The following GIGYF2 variants were observed in gnomAD, a reference collection of about 807,000 sequenced individuals.
GIGYF2 encodes the protein GRB10-interacting GYF protein 2.
Under a neutral mutation model 208.1 loss-of-function variants are expected in GIGYF2, and 25 were observed. The observed-to-expected ratio is 0.12, with a 90% CI of 0.09 to 0.17. The LOEUF (loss-of-function observed/expected upper bound fraction) is 0.17, where lower values mean the gene tolerates loss of function less well. Ranked by LOEUF, GIGYF2 falls within the 10% of genes least tolerant of loss-of-function variation. The probability of loss-of-function intolerance (pLI) is 1.00; values close to 1 mark genes in which losing one functional copy is unlikely to be tolerated. For missense variants in GIGYF2, 1,302 were observed against 1,579.4 expected (o/e 0.82, Z 2.98); for synonymous variants, 534 against 543.8 (o/e 0.98, Z 0.25).
chr2:232,724,271 T>C (rs1018595498), intron 2 of GIGYF2, among the ~76,000 whole-genome samples: 1 of 148,852 alleles, frequency 6.7e-6, no homozygotes, highest in African/African-American at 2.5e-5. Flanking sequence ...TTGGCCAGGC[T>C]GGTCTTGAAC....
At chr2:232,851,778 C>T (rs1690343530) in intron 28 of GIGYF2, among the ~76,000 whole-genome samples, 1 of 152,134 alleles carries the variant, frequency 6.6e-6, no homozygotes, top group Non-Finnish European at 1.5e-5. Flanking sequence ...ATGTTGTCTG[C>T]AATAGAATAC....
intron 6 of GIGYF2, among the ~76,000 whole-genome samples, chr2:232,758,191 G>T (rs1161476623): frequency 2.0e-5 from 3 of 152,070 alleles, no homozygotes; most frequent in Non-Finnish European, 2.9e-5. Flanking sequence ...GATTATTGTG[G>T]CTTTTCTTTG....
chr2:232,844,913 AT>A (rs1178685002), intron 25 of GIGYF2, among the ~76,000 whole-genome samples: 26 of 152,284 alleles, frequency 1.7e-4, no homozygotes, highest in Admixed American at 6.5e-5. Context: ...CTATATTTGT[AT>A]TTTTAAGTAA....
rs143342234 is a variant in GIGYF2 at position 232,739,798 on chromosome 2, A to T, written c.41+4560A>T. On this transcript the variant is annotated intron_variant, in intron 3 of 28. Coordinates refer to ENST00000373563, the MANE Select transcript of GIGYF2 (RefSeq NM_001103146.3). ...GTATATGCAAATGTATCTTCAAGAT[A>T]TTTAAAAAACAAATATTTAGGCCGG... 2.4e-3 allele frequency among the ~76,000 whole-genome samples: 371 copies of T among 152,178 alleles called. 2 individuals carry two copies. The highest frequency in any genetic ancestry group is 8.6e-3 in the African/African-American group (359 of 41,522).
In GIGYF2 at chr2:232,833,063, G is replaced by A; in HGVS notation, c.2736G>A (p.Gln912=). ...QQEALRRLQQ[Q]QQQQQLAQMK... ...AGGCTCTCCGGAGGTTGCAGCAGCAGCAGCAGCAACAACAGCTGGCGCAGA... is the reference window on the plus strand; with the variant it reads ...AGGCTCTCCGGAGGTTGCAGCAGCAACAGCAGCAACAACAGCTGGCGCAGA... The change falls in exon 22 of 29, where the codon CAG becomes CAA. Residue 912 remains glutamine, a synonymous_variant. Coordinates refer to ENST00000373563, the MANE Select transcript of GIGYF2 (RefSeq NM_001103146.3). 6.4e-7 allele frequency: 1 copy of A among 1,553,366 alleles called. No individual in the cohort carries two copies. The highest frequency in any genetic ancestry group is 8.7e-7 in the Non-Finnish European group (1 of 1,147,978).
At chr2:232,704,213 T>C (rs1251795546) in intron 2 of GIGYF2, among the ~76,000 whole-genome samples, 1 of 152,186 alleles carries the variant, frequency 6.6e-6, no homozygotes, top group African/African-American at 2.4e-5. Context: ...GTGACTATTC[T>C]AGGTGGACTC....
At chr2:232,836,282 A>T (rs372354986) in intron 22 of GIGYF2, among the ~76,000 whole-genome samples, 60 of 6,808 alleles carry the variant, frequency 8.8e-3, no homozygotes, top group Admixed American at 0.015. Context: ...ATATATATAT[A>T]TATATATATA....
In GIGYF2 at chr2:232,806,572, A is replaced by G; in HGVS notation, c.1721A>G (p.Asp574Gly). The change falls in exon 15 of 29, where the codon GAT becomes GGT. Residue 574 changes from aspartate to glycine, a missense_variant. Around this residue, in one of 8 missense-constraint regions of GIGYF2, gnomAD observed 69 missense variants for 132.8 expected, o/e 0.52. Coordinates refer to ENST00000373563, the MANE Select transcript of GIGYF2 (RefSeq NM_001103146.3). This position sits in a 1 kb window ranked among gnomAD's most constrained non-coding sequence, Gnocchi z 4.0. ...TCTTTATTGGTGAAGAGAGCGTGTG[A>G]TGAAAGCTTCCAACCTCTTGGCGAT... ...TMSLLVKRAC[D>G]ESFQPLGDIM... is the part of the protein sequence containing the mutation. 6.2e-7 allele frequency: 1 copy of G among 1,611,834 alleles called. No individual in the cohort carries two copies. Among genetic ancestry groups the G allele is most frequent in the Non-Finnish European group, 8.5e-7 (1 of 1,177,968 alleles).
At chr2:232,831,346 G>A (rs1300224788) in intron 21 of GIGYF2, among the ~76,000 whole-genome samples, 1 of 152,130 alleles carries the variant, frequency 6.6e-6, no homozygotes, top group Non-Finnish European at 1.5e-5. Context: ...GTTAGACATA[G>A]ATAGCTTCCA....
chr2:232,845,726 C>A lies in GIGYF2; in HGVS notation c.3306-6C>A. ...AATATAATATCACCCTATTGTTTTG[C>A]TTTAGTAAATCTGTAGGTGTGTCTA... On this transcript the variant is annotated splice_region_variant and splice_polypyrimidine_tract_variant and intron_variant, in intron 25 of 28. Transcript: ENST00000373563. 6.3e-7 allele frequency: 1 copy of A among 1,590,340 alleles called. No homozygotes were observed. The highest frequency in any genetic ancestry group is 8.6e-7 in the Non-Finnish European group (1 of 1,158,462).
In GIGYF2 at chr2:232,768,272, T is replaced by G. The variant is rs1699058872; in HGVS notation, c.532+6836T>G. ...TGTGGATATCCAGGTCAGTCCTGTT[T>G]GGGCTTTTAGAAACCAGAGGAGTTG... is the stretch of plus-strand genomic sequence containing the variant. On this transcript the variant is annotated intron_variant, in intron 8 of 28. Coordinates refer to ENST00000373563, the MANE Select transcript of GIGYF2 (RefSeq NM_001103146.3). 6.2e-7 allele frequency: 1 copy of G among 1,614,056 alleles called. No homozygotes were observed. Among genetic ancestry groups the G allele is most frequent in the Non-Finnish European group, 8.5e-7 (1 of 1,179,988 alleles).
At chr2:232,708,694 T>G (rs1034443303) in intron 2 of GIGYF2, among the ~76,000 whole-genome samples, 23 of 124,576 alleles carry the variant, frequency 1.8e-4, no homozygotes, top group African/African-American at 7.2e-4. Flanking sequence ...AAAAAAAAAG[T>G]AGCTGGGCAT....
At chr2:232,706,156 C>G (rs564328465) in intron 2 of GIGYF2, among the ~76,000 whole-genome samples, 14 of 152,274 alleles carry the variant, frequency 9.2e-5, no homozygotes, top group Non-Finnish European at 1.8e-4. Flanking sequence ...AGTGATATGT[C>G]TAATGACAGC....
At chr2:232,764,983 A>C (rs530470429) in intron 8 of GIGYF2, among the ~76,000 whole-genome samples, 1 of 152,352 alleles carries the variant, frequency 6.6e-6, no homozygotes, top group African/African-American at 2.4e-5. Context: ...AAACTAAACT[A>C]ACATGAAGTA....
intron 7 of GIGYF2, among the ~76,000 whole-genome samples, chr2:232,761,073 G>A (rs1574846476): frequency 6.6e-6 from 1 of 152,090 alleles, no homozygotes; most frequent in Admixed American, 6.6e-5. Context: ...ATTAATATGA[G>A]CATTAGAGGT....
intron 15 of GIGYF2, among the ~76,000 whole-genome samples, chr2:232,807,285 T>C (rs1446758070): frequency 6.6e-6 from 1 of 152,132 alleles, no homozygotes; most frequent in Non-Finnish European, 1.5e-5. Context: ...TGGGAGGGAT[T>C]TGGGAGGCCA....
rs1291579717 is a variant in GIGYF2, at chr2:232,845,855, T to C, written c.3429T>C (p.Leu1143=). ...DGFTQWCEQM[L]HALNTANNLD... ...TTACGCAGTGGTGTGAACAGATGCT[T>C]CATGCCCTTAATACGGCAAATAACT... The change falls in exon 26 of 29, where the codon CTT becomes CTC. Residue 1143 remains leucine (L), a synonymous_variant. Transcript: ENST00000373563. The C allele has an allele frequency of 6.2e-7, 1 of 1,612,210 alleles. No homozygotes were observed. Among genetic ancestry groups the C allele is most frequent in the East Asian group, 2.2e-5 (1 of 44,886 alleles).
chr2:232,759,676 G>GT (rs916790719), intron 6 of GIGYF2, among the ~76,000 whole-genome samples: 87 of 146,350 alleles, frequency 5.9e-4, no homozygotes, highest in East Asian at 4.0e-3. Flanking sequence ...TAGATTTCTA[G>GT]TTTTTTTTTT....
chr2:232,710,170 A>C lies in GIGYF2; in HGVS notation c.-44+6681A>C, dbSNP rs182161835. ...GAGATGGGGTTTTACCATGTTAGCC[A>C]GGATGGTCTCGATCTCCTGACCTTG... is the stretch of plus-strand genomic sequence containing the variant. On this transcript the variant is annotated intron_variant, in intron 2 of 28. Transcript: ENST00000373563. Among the ~76,000 whole-genome samples, 781 of 152,094 alleles carry C rather than the reference A, an allele frequency of 5.1e-3. 4 individuals are homozygous for C. Among genetic ancestry groups the C allele is most frequent in the African/African-American group, 0.018 (756 of 41,502 alleles).
Sources: allele counts gnomAD v4.1 joint callset (sites outside exome capture counted in the v4.1 genomes callset), GRCh38; gene constraint gnomAD v4.1.1; regional missense constraint gnomAD v4.1.1; non-coding constraint Gnocchi (gnomAD v3.1); transcripts MANE v1.5; gene names NCBI Gene and HGNC (gene_info 2026-07-23, HGNC 2026-07-21).